COL24A1: variants seen among roughly 807,000 people sequenced by gnomAD.
COL24A1 encodes the protein collagen alpha-1(XXIV) chain.
A neutral mutation model predicts 253.9 loss-of-function variants in COL24A1; 224 were observed. The observed-to-expected ratio is 0.88, with a 90% CI of 0.79 to 0.99. The LOEUF (loss-of-function observed/expected upper bound fraction) is 0.99. Among genes scored for constraint, COL24A1 ranks in the 50% least tolerant of loss-of-function variants. The pLI is 0.00. For missense variants in COL24A1, 2,131 were observed against 2,068.5 expected (o/e 1.03, Z -0.59); for synonymous variants, 685 against 673.7 (o/e 1.02, Z -0.26).
intron 5 of COL24A1, among the ~76,000 whole-genome samples, chr1:86,103,518 C>T (rs1201769076): frequency 6.6e-6 from 1 of 152,062 alleles, no homozygotes; most frequent in East Asian, 1.9e-4. Flanking sequence ...CTGGTAATGG[C>T]CCTTCCTTTC....
chr1:86,006,682 G>A (rs1695990128), intron 19 of COL24A1, among the ~76,000 whole-genome samples: 1 of 152,018 alleles, frequency 6.6e-6, no homozygotes, highest in African/African-American at 2.4e-5. Context: ...AGAAAACAAT[G>A]TCAAGAGAAT....
chr1:85,811,643 A>C (rs1415620877), intron 47 of COL24A1, among the ~76,000 whole-genome samples: 1 of 152,154 alleles, frequency 6.6e-6, no homozygotes, highest in Non-Finnish European at 1.5e-5. Context: ...TTGTTTTATA[A>C]TAGCATCCTA....
intron 19 of COL24A1, among the ~76,000 whole-genome samples, chr1:86,012,213 T>C (rs1205713148): frequency 1.3e-5 from 2 of 152,212 alleles, no homozygotes; most frequent in Admixed American, 6.5e-5. Context: ...TTTCTATAGC[T>C]GGCAGTTTTA....
At chr1:85,820,947 G>A (rs1463707132) in intron 45 of COL24A1, among the ~76,000 whole-genome samples, 28 of 152,186 alleles carry the variant, frequency 1.8e-4, no homozygotes, top group Non-Finnish European at 1.9e-4. Context: ...AAATGAGGCT[G>A]AAGGACAGTT....
chr1:85,888,273 A>G (rs1682737168), intron 32 of COL24A1, among the ~76,000 whole-genome samples: 1 of 152,106 alleles, frequency 6.6e-6, no homozygotes, highest in South Asian at 2.1e-4. Context: ...GATGTTTACA[A>G]AATAGATATC....
chr1:85,926,623 C>T (rs1017645708), intron 24 of COL24A1, among the ~76,000 whole-genome samples: 6 of 151,638 alleles, frequency 4.0e-5, no homozygotes, highest in Admixed American at 3.9e-4. Context: ...ACAATGAGTA[C>T]ACTTGGACAC....
intron 5 of COL24A1, among the ~76,000 whole-genome samples, chr1:86,106,838 CTT>C (rs1705028959): frequency 6.6e-6 from 1 of 152,156 alleles, no homozygotes; most frequent in African/African-American, 2.4e-5. Context: ...TCCCCATAGT[CTT>C]TCTCTATTTT....
At chr1:85,933,917 A>G (rs1571280503) in intron 24 of COL24A1, among the ~76,000 whole-genome samples, 2 of 152,144 alleles carry the variant, frequency 1.3e-5, no homozygotes, top group African/African-American at 4.8e-5. Context: ...ATTACCCCCA[A>G]AAGTTAGTGG....
intron 35 of COL24A1, among the ~76,000 whole-genome samples, chr1:85,872,377 G>T (rs1425379360): frequency 6.6e-6 from 1 of 152,166 alleles, no homozygotes; most frequent in African/African-American, 2.4e-5. Context: ...AAAAGAGCCT[G>T]CATTACCAAG....
At chr1:85,905,769 G>A (rs1192617314) in intron 28 of COL24A1, among the ~76,000 whole-genome samples, 1 of 152,080 alleles carries the variant, frequency 6.6e-6, no homozygotes, top group Admixed American at 6.6e-5. Flanking sequence ...CTTTCCATAT[G>A]ACTTAATGAG....
chr1:85,907,025 T>G (rs1374334976), intron 28 of COL24A1, among the ~76,000 whole-genome samples, 169 bp downstream of exon 28: 2 of 151,884 alleles, frequency 1.3e-5, no homozygotes, highest in Non-Finnish European at 2.9e-5. Context: ...GATTATGAGT[T>G]GTATTTCAAT....
At chr1:85,859,787 T>TA (rs1487489078) in intron 37 of COL24A1, among the ~76,000 whole-genome samples, 1 of 152,180 alleles carries the variant, frequency 6.6e-6, no homozygotes, top group Non-Finnish European at 1.5e-5. Context: ...AACTTTTTTT[T>TA]ACTATGTACA....
At chr1:85,883,289 G>A (rs1051241241) in intron 32 of COL24A1, among the ~76,000 whole-genome samples, 4 of 150,748 alleles carry the variant, frequency 2.7e-5, no homozygotes, top group Admixed American at 6.6e-5. Flanking sequence ...GCATGATCTC[G>A]GTGCACTGCA....
At chr1:86,004,709 A>G (rs957518623) in intron 19 of COL24A1, among the ~76,000 whole-genome samples, 1 of 152,026 alleles carries the variant, frequency 6.6e-6, no homozygotes, top group African/African-American at 2.4e-5. Context: ...CACACCCTGA[A>G]CTCTACAGGG....
At chr1:85,970,467 G>C (rs576314624) in intron 21 of COL24A1, among the ~76,000 whole-genome samples, 196 bp from the exon 22 acceptor site, 3 of 151,872 alleles carry the variant, frequency 2.0e-5, no homozygotes. Flanking sequence ...TGGTGCATTC[G>C]TGTAGGGACC....
intron 38 of COL24A1, among the ~76,000 whole-genome samples, chr1:85,848,563 G>T (rs1677399160): frequency 1.3e-5 from 2 of 152,090 alleles, no homozygotes; most frequent in South Asian, 4.1e-4. Context: ...GCCCACCTCG[G>T]CCTCCCAAAG....
At chr1:85,985,871 G>T (rs533781066) in intron 20 of COL24A1, among the ~76,000 whole-genome samples, 47 of 151,938 alleles carry the variant, frequency 3.1e-4, no homozygotes, top group African/African-American at 1.0e-3. Context: ...TAGGTGGCAG[G>T]TGGGGTTGCC....
chr1:86,074,728 G>A (rs1354492193), intron 7 of COL24A1, among the ~76,000 whole-genome samples: 1 of 152,142 alleles, frequency 6.6e-6, no homozygotes, highest in African/African-American at 2.4e-5. Flanking sequence ...CTCAGCAAAT[G>A]CAAAAGAACA....
intron 7 of COL24A1, among the ~76,000 whole-genome samples, chr1:86,065,227 T>C (rs1701382542): frequency 6.6e-6 from 1 of 152,180 alleles, no homozygotes; most frequent in Non-Finnish European, 1.5e-5. Flanking sequence ...GTTTATTTAT[T>C]TACTTATTTT....
Sources: allele counts gnomAD v4.1 joint callset (sites outside exome capture counted in the v4.1 genomes callset), GRCh38; gene constraint gnomAD v4.1.1; transcripts MANE v1.5; gene names NCBI Gene and HGNC (gene_info 2026-07-23, HGNC 2026-07-21).